OSBPL9: variants seen among roughly 807,000 people sequenced by gnomAD.
The protein encoded by OSBPL9 is oxysterol binding protein like 9.
A neutral mutation model predicts 106.6 loss-of-function variants in OSBPL9; 40 were observed. The observed-to-expected ratio is 0.38, with a 90% CI of 0.29 to 0.49. The LOEUF (loss-of-function observed/expected upper bound fraction) is 0.49, where lower values mean the gene tolerates loss of function less well. Ranked by LOEUF, OSBPL9 falls within the 20% of genes least tolerant of loss-of-function variation. The probability of loss-of-function intolerance (pLI) is 0.97; values close to 1 mark genes in which losing one functional copy is unlikely to be tolerated. For synonymous variants in OSBPL9, 269 were observed against 295.4 expected (o/e 0.91, Z 0.92); for missense variants, 609 against 887.2 (o/e 0.69, Z 3.98).
chr1:51,597,005 C>CAGGGAGG (rs2148602872), intron 1 of OSBPL9, among the ~76,000 whole-genome samples: 1 of 152,138 alleles, frequency 6.6e-6, no homozygotes, highest in Admixed American at 6.5e-5. Flanking sequence ...GAAAGGGGGT[C>CAGGGAGG]AGGGAGGTCC....
At chr1:51,785,738 C>A in intron 20 of OSBPL9, 70 bp from the exon 21 acceptor site, 1 of 1,350,480 alleles carries the variant, frequency 7.4e-7, no homozygotes, top group African/African-American at 1.4e-5. Flanking sequence ...TGTAGTTGGG[C>A]CACACTGAGC....
intron 2 of OSBPL9, among the ~76,000 whole-genome samples, chr1:51,652,353 T>G (rs2148707688): frequency 6.6e-6 from 1 of 152,320 alleles, no homozygotes; most frequent in South Asian, 2.1e-4. Flanking sequence ...GTGTTGGTGG[T>G]ATATCAACAG....
intron 1 of OSBPL9, among the ~76,000 whole-genome samples, chr1:51,622,274 A>G (rs564589584): frequency 6.6e-6 from 1 of 152,336 alleles, no homozygotes; most frequent in East Asian, 1.9e-4. Flanking sequence ...TGGGCTGCAT[A>G]TCCTCTTATC....
intron 4 of OSBPL9, among the ~76,000 whole-genome samples, chr1:51,716,158 A>G (rs1661007568): frequency 6.6e-6 from 1 of 152,260 alleles, no homozygotes; most frequent in Admixed American, 6.5e-5. Flanking sequence ...TTGATATTTA[A>G]AAGTACATGT....
At chr1:51,762,267 T>C (rs906517956) in intron 11 of OSBPL9, among the ~76,000 whole-genome samples, 5 of 152,132 alleles carry the variant, frequency 3.3e-5, no homozygotes, top group Non-Finnish European at 5.9e-5. Flanking sequence ...CACTGTAGTT[T>C]TGACCTCCCA....
intron 3 of OSBPL9, chr1:51,707,382 G>A (rs1051628284): frequency 7.3e-5 from 13 of 177,064 alleles, no homozygotes; most frequent in South Asian, 1.1e-4. Context: ...TAATGTCATC[G>A]TATTTGGCAG....
intron 20 of OSBPL9, chr1:51,785,499 C>T (rs72900037): frequency 0.043 from 13,104 of 306,218 alleles, 614 homozygotes; most frequent in African/African-American, 0.14. Context: ...ATGGTGGTTA[C>T]GTCTCTCTCC....
chr1:51,787,579 A>G, intron 23 of OSBPL9, 91 bp downstream of exon 23: 4 of 1,603,156 alleles, frequency 2.5e-6, no homozygotes, highest in Non-Finnish European at 3.4e-6. Flanking sequence ...CACTGTTTAT[A>G]AACAAGATGA....
intron 8 of OSBPL9, 112 bp from the exon 9 acceptor site, chr1:51,756,208 C>A: frequency 1.2e-6 from 1 of 837,056 alleles, no homozygotes. Context: ...GCAGATAAAT[C>A]ATGTTCTAAC....
intron 2 of OSBPL9, among the ~76,000 whole-genome samples, chr1:51,603,989 G>A (rs1310470823): frequency 6.6e-6 from 1 of 151,992 alleles, no homozygotes; most frequent in Non-Finnish European, 1.5e-5. Context: ...AGAAAATTGG[G>A]GTATTATTCA....
chr1:51,596,704 C>T (rs567280403), intron 1 of OSBPL9, among the ~76,000 whole-genome samples: 18 of 152,000 alleles, frequency 1.2e-4, no homozygotes, highest in South Asian at 6.2e-4. Flanking sequence ...TGCTTGAACC[C>T]GGGAGGCGGA....
chr1:51,568,823 A>G, the OSBPL9 span, among the ~76,000 whole-genome samples: 1 of 152,194 alleles, frequency 6.6e-6, no homozygotes, highest in Non-Finnish European at 1.5e-5. Context: ...TCCATCTCCC[A>G]GGTTCAAGCA....
intron 14 of OSBPL9, among the ~76,000 whole-genome samples, chr1:51,775,617 T>C (rs917689673): frequency 1.3e-5 from 2 of 152,134 alleles, no homozygotes; most frequent in African/African-American, 4.8e-5. Flanking sequence ...TATTTATTTA[T>C]TTATTTATTT....
At chr1:51,655,007 C>G (rs557518520) in intron 2 of OSBPL9, among the ~76,000 whole-genome samples, 1 of 152,234 alleles carries the variant, frequency 6.6e-6, no homozygotes, top group African/African-American at 2.4e-5. Flanking sequence ...TGATGGTGAT[C>G]ATCACATCAT....
intron 4 of OSBPL9, among the ~76,000 whole-genome samples, chr1:51,720,014 G>A (rs1209444614): frequency 6.6e-6 from 1 of 152,170 alleles, no homozygotes; most frequent in Non-Finnish European, 1.5e-5. Flanking sequence ...AGACTTCCTT[G>A]GCATAGCACA....
chr1:51,584,004 A>G (rs1035357790), intron 1 of OSBPL9, among the ~76,000 whole-genome samples: 10 of 152,120 alleles, frequency 6.6e-5, no homozygotes, highest in African/African-American at 2.2e-4. Context: ...CCACAATTCA[A>G]TCTACCAACA....
intron 1 of OSBPL9, among the ~76,000 whole-genome samples, chr1:51,640,166 T>C (rs918658345): frequency 6.6e-6 from 1 of 152,186 alleles, no homozygotes; most frequent in Non-Finnish European, 1.5e-5. Context: ...AGAATTAATG[T>C]AAATGGCAAG....
rs762981718 is a variant in OSBPL9 at position 51,714,005 on chromosome 1, C to T, written c.244C>T (p.Arg82Cys). The T allele has an allele frequency of 5.0e-6, 8 of 1,604,182 alleles. No individual in the cohort carries two copies. Among genetic ancestry groups the T allele is most frequent in the Admixed American group, 3.4e-5 (2 of 59,386 alleles). Reference sequence around the variant, plus strand: ...TAATGTATAATCTTTTATTCCAGCCCGTGATGCTGATGAGCGAGAGAAGTG... The same window carrying T: ...TAATGTATAATCTTTTATTCCAGCCTGTGATGCTGATGAGCGAGAGAAGTG... ...VDQKTFHFQA[R>C]DADEREKWIH... Residue 82 changes from arginine (R) to cysteine (C), a missense_variant and splice_region_variant, in exon 4 of 24, where the codon CGT becomes TGT. Physicochemically the swap from Arg to Cys is radical, Grantham distance 180. Around this residue, in one of 5 missense-constraint regions of OSBPL9, gnomAD observed 72 missense variants for 140.5 expected, o/e 0.51. Coordinates refer to ENST00000428468, the MANE Select transcript of OSBPL9 (RefSeq NM_024586.6).
At chr1:51,536,070 G>A in the OSBPL9 span, among the ~76,000 whole-genome samples, 1 of 152,074 alleles carries the variant, frequency 6.6e-6, no homozygotes, top group African/African-American at 2.4e-5. Context: ...ATTTCAATGT[G>A]TATTTTCTGA....
Sources: gnomAD v4.1 joint callset for allele counts (sites outside exome capture counted in the v4.1 genomes callset) on GRCh38, gnomAD v4.1.1 for gene constraint, gnomAD v4.1.1 regional missense constraint, MANE v1.5 for transcripts, NCBI Gene and HGNC (gene_info 2026-07-23, HGNC 2026-07-21) for gene names.